FAIM: variants seen among roughly 807,000 people sequenced by gnomAD.
FAIM encodes fas apoptotic inhibitory molecule 1.
Under a neutral mutation model 21.2 loss-of-function variants are expected in FAIM, and 14 were observed. The observed-to-expected ratio is 0.66, with a 90% CI of 0.44 to 1.03. FAIM has a LOEUF of 1.03. Among genes scored for constraint, FAIM ranks in the 50% least tolerant of loss-of-function variants. The pLI, the probability that FAIM is intolerant of heterozygous loss-of-function variation, is 0.00. For missense variants in FAIM, 222 were observed against 247.1 expected (o/e 0.90, Z 0.68); for synonymous variants, 86 against 80.4 (o/e 1.07, Z -0.37).
Position 138,611,010 on chromosome 3 carries a change from T to C in FAIM, c.-17+2073T>C, listed in dbSNP as rs139741354. ...CCACTGTTGTGCTATAATCATCTCTTGGTATCTCCGGACTCTGCCACTCTG... is the reference window on the plus strand; with the variant it reads ...CCACTGTTGTGCTATAATCATCTCTCGGTATCTCCGGACTCTGCCACTCTG... On this transcript the variant is annotated intron_variant, in intron 1 of 5. Coordinates refer to ENST00000360570, the MANE Select transcript of FAIM (RefSeq NM_001033031.2). 1.1e-4 allele frequency: 172 copies of C among 1,613,878 alleles called. 1 individual carries two copies. In the African/African-American group the frequency reaches 1.9e-3, roughly 17 times the overall value.
At chr3:138,623,096 T>C (rs1441952716) in intron 4 of FAIM, among the ~76,000 whole-genome samples, 2 of 152,126 alleles carry the variant, frequency 1.3e-5, no homozygotes, top group Non-Finnish European at 2.9e-5. Context: ...TATTTCTCTT[T>C]ATAAATATAT....
At chr3:138,615,031 T>C (rs2042812563) in intron 1 of FAIM, among the ~76,000 whole-genome samples, 2 of 152,204 alleles carry the variant, frequency 1.3e-5, no homozygotes, top group Non-Finnish European at 2.9e-5. Context: ...ATATTATAAG[T>C]TGAAAATGGA....
At chr3:138,631,844 A>G (rs1577021102) in intron 5 of FAIM, among the ~76,000 whole-genome samples, 1 of 152,104 alleles carries the variant, frequency 6.6e-6, no homozygotes, top group Admixed American at 6.6e-5. Context: ...TGCTTGTGGT[A>G]TTCAGCATAC....
At chr3:138,626,083 G>C (rs2042936330) in intron 4 of FAIM, among the ~76,000 whole-genome samples, 1 of 152,124 alleles carries the variant, frequency 6.6e-6, no homozygotes, top group South Asian at 2.1e-4. Flanking sequence ...AGCATTTACA[G>C]AACATAACCT....
intron 2 of FAIM, 106 bp from the exon 3 acceptor site, chr3:138,621,301 T>G (rs2042882016): frequency 1.7e-6 from 2 of 1,194,230 alleles, no homozygotes; most frequent in Non-Finnish European, 2.4e-6. Context: ...ACTTTAATAT[T>G]TTGACATTTT....
intron 3 of FAIM, among the ~76,000 whole-genome samples, chr3:138,621,963 T>C (rs892478107): frequency 4.6e-5 from 7 of 151,960 alleles, no homozygotes; most frequent in Admixed American, 2.6e-4. Flanking sequence ...TTTGTATTTT[T>C]AGTAGAGACG....
chr3:138,615,341 C>T (rs1294015711), intron 1 of FAIM, among the ~76,000 whole-genome samples: 1 of 152,190 alleles, frequency 6.6e-6, no homozygotes, highest in African/African-American at 2.4e-5. Context: ...GGAGTGCTTT[C>T]AGAACATTTG....
chr3:138,632,965 C>T lies in FAIM; in HGVS notation c.492C>T (p.Phe164=). 1 of 1,613,602 alleles carries T rather than the reference C, an allele frequency of 6.2e-7. No homozygotes were observed. The highest frequency in any genetic ancestry group is 8.5e-7 in the Non-Finnish European group (1 of 1,179,790). ...EFVDDGTETH[F]SIGNHDCYIK... is the part of the protein sequence containing the mutation. ...TAGATGATGGGACTGAAACTCACTTCAGTATCGGGAACCATGACTGTTACA... is the reference window on the plus strand; with the variant it reads ...TAGATGATGGGACTGAAACTCACTTTAGTATCGGGAACCATGACTGTTACA... The change falls in exon 6 of 6, where the codon TTC becomes TTT. Residue 164 remains phenylalanine (F), a synonymous_variant. Coordinates refer to ENST00000360570, the MANE Select transcript of FAIM (RefSeq NM_001033031.2).
intron 4 of FAIM, 27 bp from the exon 5 acceptor site, chr3:138,629,073 ATTATAAC>A: frequency 6.6e-7 from 1 of 1,515,836 alleles, no homozygotes; most frequent in South Asian, 1.2e-5. Flanking sequence ...AAATCACAGA[ATTATAAC>A]TTAAAGTTTT....
At chr3:138,618,542 G>A (rs1351425333) in intron 1 of FAIM, among the ~76,000 whole-genome samples, 2 of 152,036 alleles carry the variant, frequency 1.3e-5, no homozygotes, top group African/African-American at 2.4e-5. Context: ...GTGGCATGCA[G>A]TTGTAGTCCC....
intron 1 of FAIM, among the ~76,000 whole-genome samples, chr3:138,609,620 T>TCTCTCTCGACTCTCTCTCTCTCTCTCGA (rs2042745674): frequency 1.4e-4 from 17 of 122,444 alleles, no homozygotes; most frequent in Non-Finnish European, 2.2e-4. Context: ...CTCGACTCTC[T>TCTCTCTCGACTCTCTCTCTCTCTCTCGA]CTCTCTCTCT....
rs749786066 is a variant in FAIM, at chr3:138,622,263, G to C, written c.253G>C (p.Ala85Pro). ...TFYVGAAKTK[A>P]TINIDAISGF... is the part of the protein sequence containing the mutation. Reference sequence around the variant, plus strand: ...CTATGTTGGAGCTGCAAAGACAAAAGCGACCATAAATATAGACGCTATCAG... The same window carrying C: ...CTATGTTGGAGCTGCAAAGACAAAACCGACCATAAATATAGACGCTATCAG... The change falls in exon 4 of 6, where the codon GCG becomes CCG. Residue 85 changes from alanine (A) to proline (P), a missense_variant. Coordinates refer to ENST00000360570, the MANE Select transcript of FAIM (RefSeq NM_001033031.2). 11 of 1,613,752 alleles carry C rather than the reference G, an allele frequency of 6.8e-6. No individual in the cohort carries two copies. The East Asian group carries it at 2.2e-4, about 33-fold the overall frequency.
In FAIM at chr3:138,633,166, T is replaced by G; in HGVS notation, c.*87T>G. 7 of 1,115,334 alleles carry G rather than the reference T, an allele frequency of 6.3e-6. No homozygotes were observed. Among genetic ancestry groups the G allele is most frequent in the South Asian group, 2.5e-5 (1 of 39,426 alleles). The allele number at this position is 1,115,334 out of a possible 1,614,324, so 69.1% of individuals were successfully genotyped here. A position where few individuals can be genotyped will look rare whatever the true frequency, so the allele number is the denominator to read the frequency against. On this transcript the variant is annotated 3_prime_UTR_variant, in exon 6 of 6. Transcript: ENST00000360570. Reference sequence around the variant, plus strand: ...TTCAGTATGTACTTATCAGTACATTTAGTCTGCAATGTTTTAATTTTTTAA... The same window carrying G: ...TTCAGTATGTACTTATCAGTACATTGAGTCTGCAATGTTTTAATTTTTTAA...
Position 138,632,957 on chromosome 3 carries a change from A to T in FAIM, c.484A>T (p.Thr162Ser), listed in dbSNP as rs1444610140. Residue 162 changes from threonine to serine, a missense_variant, in exon 6 of 6, where the codon ACT (threonine) becomes TCT (serine). Thr to Ser is a moderately conservative substitution (Grantham distance 58). Transcript: ENST00000360570. Reference protein sequence around the residue: ...AGEFVDDGTETHFSIGNHDCY... With the variant: ...AGEFVDDGTESHFSIGNHDCY... ...TGAGTTTGTAGATGATGGGACTGAA[A>T]CTCACTTCAGTATCGGGAACCATGA... The T allele has an allele frequency of 6.2e-6, 10 of 1,613,234 alleles. No homozygotes were observed. The East Asian group carries it at 2.2e-4, about 36-fold the overall frequency.
rs976165986 is a variant in FAIM at position 138,629,460 on chromosome 3, T to C, written c.456+304T>C. 2.0e-5 allele frequency: 4 copies of C among 204,582 alleles called. No homozygotes were observed. The South Asian group carries it at 5.4e-4, about 28-fold the overall frequency. The allele number at this position is 204,582 out of a possible 1,614,324, so 12.7% of individuals were successfully genotyped here. ...AAAAGAGCCCCTAGTTAAAAAATTA[T>C]ATCCCCAGAGGTTGGTGTCCTCTTG... On this transcript the variant is annotated intron_variant, in intron 5 of 5. Transcript: ENST00000360570.
chr3:138,628,973 G>A (rs1230485788), intron 4 of FAIM, 134 bp from the exon 5 acceptor site: 10 of 583,930 alleles, frequency 1.7e-5, no homozygotes, highest in Non-Finnish European at 2.9e-5. Context: ...ATGAAAAAGT[G>A]TTGGGTTTTG....
chr3:138,627,581 C>T (rs2042952222), intron 4 of FAIM, among the ~76,000 whole-genome samples: 2 of 152,176 alleles, frequency 1.3e-5, no homozygotes, highest in Non-Finnish European at 2.9e-5. Flanking sequence ...ATTGTAGAAA[C>T]TCTGAGTACA....
At chr3:138,630,310 C>T (rs2042991573) in intron 5 of FAIM, 2 of 151,832 alleles carry the variant, frequency 1.3e-5, no homozygotes, top group Admixed American at 6.6e-5. Context: ...GGTGACAAAA[C>T]CAGAAATCAA....
intron 1 of FAIM, among the ~76,000 whole-genome samples, chr3:138,617,544 T>C (rs1320935067): frequency 1.4e-5 from 2 of 146,928 alleles, no homozygotes; most frequent in African/African-American, 2.5e-5. Flanking sequence ...TATCTACCTA[T>C]CTACCTATCT....
Sources: gnomAD v4.1 joint callset for allele counts (sites outside exome capture counted in the v4.1 genomes callset) on GRCh38, gnomAD v4.1.1 for gene constraint, MANE v1.5 for transcripts, NCBI Gene and HGNC (gene_info 2026-07-23, HGNC 2026-07-21) for gene names.